The following MAML2 variants were observed in gnomAD, a reference collection of about 807,000 sequenced individuals.
MAML2 encodes mastermind-like protein 2.
A neutral mutation model predicts 96.1 loss-of-function variants in MAML2; 22 were observed. That is an observed-to-expected ratio of 0.23 (90% confidence interval 0.16 to 0.33). The LOEUF is 0.33. Among genes scored for constraint, MAML2 ranks in the 10% least tolerant of loss-of-function variants. MAML2 has a pLI of 1.00. For missense variants in MAML2, 1,367 were observed against 1,392.4 expected (o/e 0.98, Z 0.29); for synonymous variants, 561 against 521.3 (o/e 1.08, Z -1.04).
intron 2 of MAML2, among the ~76,000 whole-genome samples, chr11:96,074,662 G>A (rs868013181): frequency 3.3e-5 from 5 of 152,206 alleles, no homozygotes; most frequent in Admixed American, 2.0e-4. Flanking sequence ...GACGCCCACC[G>A]GCTGCTGTGA....
intron 1 of MAML2, among the ~76,000 whole-genome samples, chr11:96,336,928 C>A (rs1003214699): frequency 5.3e-5 from 8 of 152,158 alleles, no homozygotes; most frequent in African/African-American, 1.9e-4. Context: ...TCAAAGAAAG[C>A]AGATGCCTTC....
At chr11:96,021,471 G>A (rs1187440558) in intron 2 of MAML2, among the ~76,000 whole-genome samples, 1 of 152,168 alleles carries the variant, frequency 6.6e-6, no homozygotes, top group African/African-American at 2.4e-5. Flanking sequence ...CTGTCTACTG[G>A]GCCTAAGGTA....
At chr11:96,162,345 C>G (rs895931342) in intron 1 of MAML2, among the ~76,000 whole-genome samples, 1 of 151,204 alleles carries the variant, frequency 6.6e-6, no homozygotes, top group Non-Finnish European at 1.5e-5. Flanking sequence ...TAGTTAGATA[C>G]TCAGAGATCT....
intron 1 of MAML2, among the ~76,000 whole-genome samples, chr11:96,237,603 A>G (rs1044118619): frequency 6.6e-6 from 1 of 152,246 alleles, no homozygotes; most frequent in Non-Finnish European, 1.5e-5. Flanking sequence ...TTATTTTTCA[A>G]TCTATAGCAG....
chr11:96,326,099 C>G (rs916079181), intron 1 of MAML2, among the ~76,000 whole-genome samples: 5 of 118,782 alleles, frequency 4.2e-5, no homozygotes, highest in Admixed American at 1.0e-4. Flanking sequence ...ACCCCGCCCC[C>G]CCCCCATTAA....
chr11:96,103,905 G>C (rs1859977258), intron 1 of MAML2, among the ~76,000 whole-genome samples: 1 of 152,172 alleles, frequency 6.6e-6, no homozygotes, highest in Admixed American at 6.5e-5. Context: ...GAACACAAAA[G>C]ATCATTTCCG....
At chr11:95,990,786 C>G (rs1857896796) in intron 3 of MAML2, among the ~76,000 whole-genome samples, 1 of 152,048 alleles carries the variant, frequency 6.6e-6, no homozygotes, top group African/African-American at 2.4e-5. Flanking sequence ...CTCTAATTCA[C>G]CTGGAGATGC....
chr11:96,120,871 C>T (rs1026275563), intron 1 of MAML2, among the ~76,000 whole-genome samples: 1 of 152,100 alleles, frequency 6.6e-6, no homozygotes, highest in African/African-American at 2.4e-5. Context: ...AAAGGAGAAA[C>T]CGAAGAATGC....
intron 4 of MAML2, among the ~76,000 whole-genome samples, chr11:95,982,236 C>T (rs1857751479): frequency 6.6e-6 from 1 of 152,140 alleles, no homozygotes; most frequent in African/African-American, 2.4e-5. Context: ...CTTAGAAAAA[C>T]ACCAATATTC....
intron 2 of MAML2, among the ~76,000 whole-genome samples, chr11:96,015,829 A>G (rs1858342879): frequency 6.6e-6 from 1 of 152,150 alleles, no homozygotes; most frequent in African/African-American, 2.4e-5. Context: ...TTGAATCATG[A>G]ATGTAGGGAT....
chr11:96,255,557 G>C (rs1001798970), intron 1 of MAML2, among the ~76,000 whole-genome samples: 1 of 152,130 alleles, frequency 6.6e-6, no homozygotes, highest in Non-Finnish European at 1.5e-5. Context: ...TGGTTATTTG[G>C]GTTGTGTTCT....
At chr11:96,274,774 GA>G (rs552731683) in intron 1 of MAML2, among the ~76,000 whole-genome samples, 2 of 151,912 alleles carry the variant, frequency 1.3e-5, no homozygotes, top group Non-Finnish European at 2.9e-5. Flanking sequence ...GTTTAATTTG[GA>G]AAAAAATGCA....
At chr11:96,175,158 C>G (rs964016743) in intron 1 of MAML2, among the ~76,000 whole-genome samples, 2 of 152,218 alleles carry the variant, frequency 1.3e-5, no homozygotes, top group African/African-American at 4.8e-5. Context: ...AGGAGTCTTG[C>G]ATGCAACTTC....
At chr11:96,203,612 C>G (rs1376315202) in intron 1 of MAML2, among the ~76,000 whole-genome samples, 1 of 152,134 alleles carries the variant, frequency 6.6e-6, no homozygotes, top group Non-Finnish European at 1.5e-5. Flanking sequence ...CACTTATATT[C>G]TAATGCAAGA....
intron 1 of MAML2, among the ~76,000 whole-genome samples, chr11:96,322,688 C>T (rs1343514997): frequency 2.6e-5 from 4 of 151,902 alleles, no homozygotes; most frequent in Admixed American, 1.3e-4. Flanking sequence ...AGCGAGACTC[C>T]GTCTCAAAAA....
chr11:96,342,867 A>G lies in MAML2; in HGVS notation c.-972T>C, dbSNP rs556087919. The G allele has an allele frequency of 1.2e-5, 4 of 345,948 alleles. No individual in the cohort carries two copies. In the East Asian group the frequency reaches 1.7e-4, roughly 14 times the overall value. The allele number at this position is 345,948 out of a possible 1,614,324, so 21.4% of individuals were successfully genotyped here. On this transcript the variant is annotated 5_prime_UTR_variant, in exon 1 of 5. Coordinates refer to ENST00000524717, the MANE Select transcript of MAML2 (RefSeq NM_032427.4). ...TTCTAATACAGTATCAAGAGAGACA[A>G]ACTCTTCCGAGAGTAATTTACAAAC...
Position 96,065,080 on chromosome 11 carries a change from C to A in MAML2, c.2139+26812G>T, listed in dbSNP as rs932620856. ...TCAAAGTGGACAGAAAATAGCTTTT[C>A]CCCAGAACCTAAAGTATCTGAACAA... On this transcript the variant is annotated intron_variant, in intron 2 of 4. Transcript: ENST00000524717. Among the ~76,000 whole-genome samples, 65 of 152,202 alleles carry A rather than the reference C, an allele frequency of 4.3e-4. 1 individual carries two copies. Among genetic ancestry groups the A allele is most frequent in the African/African-American group, 1.5e-3 (64 of 41,522 alleles).
intron 1 of MAML2, among the ~76,000 whole-genome samples, chr11:96,211,564 G>T (rs1004097653): frequency 1.1e-4 from 17 of 152,136 alleles, no homozygotes; most frequent in Admixed American, 9.2e-4. Flanking sequence ...TGACTTGCAG[G>T]GGCCCAAGGG....
intron 1 of MAML2, among the ~76,000 whole-genome samples, chr11:96,292,150 G>A (rs1863222623): frequency 6.6e-6 from 1 of 152,166 alleles, no homozygotes; most frequent in African/African-American, 2.4e-5. Flanking sequence ...ATAGAACTCA[G>A]CTAAGTTAGT....
Sources: allele counts gnomAD v4.1 joint callset (sites outside exome capture counted in the v4.1 genomes callset), GRCh38; gene constraint gnomAD v4.1.1; transcripts MANE v1.5; gene names NCBI Gene and HGNC (gene_info 2026-07-23, HGNC 2026-07-21).